Variants in FAM13B observed in about 807,000 individuals in gnomAD.
FAM13B encodes the protein protein FAM13B.
A neutral mutation model predicts 117.3 loss-of-function variants in FAM13B; 60 were observed. The ratio of observed to expected loss-of-function variants is 0.51; its 90% CI spans 0.42 to 0.63. FAM13B has a LOEUF of 0.63. Among genes scored for constraint, FAM13B ranks in the 30% least tolerant of loss-of-function variants. The probability of loss-of-function intolerance (pLI) is 0.00; values close to 1 mark genes in which losing one functional copy is unlikely to be tolerated. For missense variants in FAM13B, 972 were observed against 1,091.9 expected (o/e 0.89, Z 1.55); for synonymous variants, 332 against 356.1 (o/e 0.93, Z 0.76).
At chr5:138,009,046 A>C (rs1424638899) in intron 6 of FAM13B, among the ~76,000 whole-genome samples, 1 of 152,176 alleles carries the variant, frequency 6.6e-6, no homozygotes, top group Non-Finnish European at 1.5e-5. Flanking sequence ...GGAAGGCTGA[A>C]ACAGAATTGC....
intron 11 of FAM13B, among the ~76,000 whole-genome samples, chr5:137,961,584 T>C (rs908971307): frequency 1.3e-5 from 2 of 152,170 alleles, no homozygotes; most frequent in African/African-American, 4.8e-5. Flanking sequence ...AGAATTTGCT[T>C]ACCCTTAAAG....
At chr5:138,041,076 A>AG (rs1791487360) in intron 1 of FAM13B, among the ~76,000 whole-genome samples, 1 of 151,782 alleles carries the variant, frequency 6.6e-6, no homozygotes, top group South Asian at 2.1e-4. Flanking sequence ...AAAAAAAAAA[A>AG]AAAAAGAAAA....
At chr5:138,007,522 TC>T (rs1348332329) in intron 6 of FAM13B, among the ~76,000 whole-genome samples, 1 of 152,220 alleles carries the variant, frequency 6.6e-6, no homozygotes, top group African/African-American at 2.4e-5. Flanking sequence ...GATCTGATTT[TC>T]CAGGTGCCTT....
At chr5:137,986,462 G>A (rs1285260654) in intron 9 of FAM13B, among the ~76,000 whole-genome samples, 2 of 141,882 alleles carry the variant, frequency 1.4e-5, no homozygotes, top group Non-Finnish European at 3.0e-5. Flanking sequence ...TGAAAAACAT[G>A]AAATCACTGC....
intron 10 of FAM13B, among the ~76,000 whole-genome samples, chr5:137,980,410 C>G (rs1439712042): frequency 6.7e-6 from 1 of 149,468 alleles, no homozygotes; most frequent in African/African-American, 2.5e-5. Context: ...AGTTCCTGCT[C>G]TCTTTATAAA....
chr5:137,945,859 T>A, intron 20 of FAM13B, 43 bp downstream of exon 20: 2 of 1,454,524 alleles, frequency 1.4e-6, no homozygotes, highest in Non-Finnish European at 1.9e-6. Context: ...GAAGAGTACA[T>A]CTTGATAAAA....
At chr5:138,005,251 AAATT>A (rs1389825942) in intron 7 of FAM13B, among the ~76,000 whole-genome samples, 18 of 152,268 alleles carry the variant, frequency 1.2e-4, no homozygotes, top group Middle Eastern at 6.8e-3. Context: ...AAATAGTAAT[AAATT>A]AATTAATTAA....
chr5:137,960,291 C>T, intron 11 of FAM13B, 77 bp from the exon 12 acceptor site: 1 of 805,142 alleles, frequency 1.2e-6, no homozygotes, highest in African/African-American at 1.8e-5. Flanking sequence ...ACCTAGATTC[C>T]TCTACTCCAT....
intron 12 of FAM13B, 23 bp downstream of exon 12, chr5:137,960,137 AAAGACT>A: frequency 7.0e-7 from 1 of 1,427,610 alleles, no homozygotes; most frequent in South Asian, 1.2e-5. Context: ...GCAAGTTTTT[AAAGACT>A]AAGACAAAAA....
chr5:138,045,147 T>C (rs1191015334), intron 1 of FAM13B, among the ~76,000 whole-genome samples: 1 of 152,176 alleles, frequency 6.6e-6, no homozygotes, highest in Non-Finnish European at 1.5e-5. Context: ...ATAAAAATGT[T>C]CACATCTGCA....
intron 10 of FAM13B, among the ~76,000 whole-genome samples, chr5:137,979,654 T>TA (rs1775073695): frequency 6.6e-6 from 1 of 152,130 alleles, no homozygotes. Context: ...AATCTTTACT[T>TA]ATACTATTCA....
intron 10 of FAM13B, among the ~76,000 whole-genome samples, chr5:137,977,040 T>C (rs1774225879): frequency 6.6e-6 from 1 of 152,142 alleles, no homozygotes; most frequent in Non-Finnish European, 1.5e-5. Flanking sequence ...GAATTCTTTT[T>C]CTCAGCAAGG....
chr5:137,947,712 G>C lies in FAM13B; in HGVS notation c.2160+1243C>G, dbSNP rs190933774. On this transcript the variant is annotated intron_variant, in intron 18 of 23. Transcript: ENST00000689681. ...TTCTTCTGCCTCAGCCTCTGGAGTA[G>C]CTGGATTACAGGCATGTGCCACCAC... is the stretch of plus-strand genomic sequence containing the variant. Among the ~76,000 whole-genome samples the C allele has an allele frequency of 2.8e-3, 425 of 152,156 alleles. 3 individuals are homozygous for C. The highest frequency in any genetic ancestry group is 4.4e-3 in the Non-Finnish European group (297 of 68,014).
Position 137,942,935 on chromosome 5 carries a change from T to C in FAM13B, c.2528A>G (p.Glu843Gly), listed in dbSNP as rs1380420859. 6 of 1,613,836 alleles carry C rather than the reference T, an allele frequency of 3.7e-6. No homozygotes were observed. Among genetic ancestry groups the C allele is most frequent in the Non-Finnish European group, 4.2e-6 (5 of 1,179,940 alleles). The change falls in exon 22 of 24, where the codon GAA becomes GGA. Residue 843 changes from glutamate to glycine, a missense_variant. By Grantham distance (98) the Glu-to-Gly change is moderately conservative (BLOSUM62 -2). Coordinates refer to ENST00000689681, the MANE Select transcript of FAM13B (RefSeq NM_001385994.1). ...SSLENSESDV[E>G]ENQEKLALDL... ...CAGAGCCAGTTTTTCTTGATTTTCT[T>C]CAACATCAGATTCAGAGTTTTCTAA...
chr5:138,001,791 A>T (rs980209741), intron 7 of FAM13B, among the ~76,000 whole-genome samples: 4 of 152,244 alleles, frequency 2.6e-5, no homozygotes, highest in African/African-American at 7.2e-5. Flanking sequence ...ATACTGAGAG[A>T]ACCATGCAGC....
intron 1 of FAM13B, among the ~76,000 whole-genome samples, chr5:138,040,341 G>A (rs2005409): frequency 4.7e-5 from 7 of 148,274 alleles, no homozygotes; most frequent in Non-Finnish European, 5.9e-5. Flanking sequence ...AGGCCGAGGC[G>A]GGCCGATCAC....
At chr5:138,025,325 T>G (rs954395341) in intron 1 of FAM13B, among the ~76,000 whole-genome samples, 4 of 140,142 alleles carry the variant, frequency 2.9e-5, no homozygotes, top group Non-Finnish European at 6.2e-5. Flanking sequence ...TTTTTTTTTT[T>G]TTTTTTTTGA....
chr5:137,994,693 G>A (rs1472118038), intron 7 of FAM13B, among the ~76,000 whole-genome samples: 2 of 152,148 alleles, frequency 1.3e-5, no homozygotes, highest in Non-Finnish European at 2.9e-5. Context: ...TGACTAGAAA[G>A]ACAAACAATA....
intron 7 of FAM13B, among the ~76,000 whole-genome samples, chr5:138,001,000 G>A (rs990364472): frequency 6.0e-5 from 9 of 149,846 alleles, no homozygotes; most frequent in African/African-American, 2.0e-4. Context: ...AATACTCCCT[G>A]TAGTTAAATA....
Sources: allele counts gnomAD v4.1 joint callset (sites outside exome capture counted in the v4.1 genomes callset), GRCh38; gene constraint gnomAD v4.1.1; transcripts MANE v1.5; gene names NCBI Gene and HGNC (gene_info 2026-07-23, HGNC 2026-07-21).